Variants in TMEM132D observed in about 807,000 individuals in gnomAD.
TMEM132D encodes mature OL transmembrane protein.
In TMEM132D, 21 loss-of-function variants were observed where a neutral mutation model predicts 62.3. The ratio of observed to expected loss-of-function variants is 0.34; its 90% CI spans 0.24 to 0.49. TMEM132D has a LOEUF of 0.49. Among genes scored for constraint, TMEM132D ranks in the 20% least tolerant of loss-of-function variants. The probability of loss-of-function intolerance (pLI) is 0.99; values close to 1 mark genes in which losing one functional copy is unlikely to be tolerated. For missense variants in TMEM132D, 1,346 were observed against 1,402.8 expected (o/e 0.96, Z 0.65); for synonymous variants, 621 against 575.6 (o/e 1.08, Z -1.13).
chr12:129,121,691 A>G (rs1214292735), intron 5 of TMEM132D, among the ~76,000 whole-genome samples: 2 of 152,150 alleles, frequency 1.3e-5, no homozygotes, highest in Non-Finnish European at 2.9e-5. Flanking sequence ...GGAAACCAAT[A>G]CAGTACTACA....
At chr12:129,842,097 A>ATTTTTTTTTTTTTTTT (rs746315309) in intron 1 of TMEM132D, among the ~76,000 whole-genome samples, 7 of 97,448 alleles carry the variant, frequency 7.2e-5, no homozygotes, top group South Asian at 3.9e-4. Context: ...CGCCCGGCTA[A>ATTTTTTTTTTTTTTTT]TTTTTTTTTT....
chr12:129,312,679 C>T (rs1882005217), intron 4 of TMEM132D, among the ~76,000 whole-genome samples: 1 of 152,140 alleles, frequency 6.6e-6, no homozygotes, highest in Admixed American at 6.5e-5. Context: ...ACTCCATTCT[C>T]CCTGCATCAG....
intron 1 of TMEM132D, among the ~76,000 whole-genome samples, chr12:129,852,053 T>A (rs1009010599): frequency 6.6e-6 from 1 of 152,166 alleles, no homozygotes; most frequent in Non-Finnish European, 1.5e-5. Flanking sequence ...TATGTGGAAG[T>A]CATCAACTGA....
intron 5 of TMEM132D, among the ~76,000 whole-genome samples, chr12:129,200,103 C>T (rs1325812559): frequency 6.6e-6 from 1 of 152,070 alleles, no homozygotes; most frequent in African/African-American, 2.4e-5. Context: ...CCTAACTCTC[C>T]CTGCCATGAA....
chr12:129,465,290 C>T (rs181519253), intron 3 of TMEM132D, among the ~76,000 whole-genome samples: 106 of 152,200 alleles, frequency 7.0e-4, no homozygotes, highest in Non-Finnish European at 1.2e-3. Context: ...ATTGATGGGA[C>T]GTATCTCAAA....
intron 2 of TMEM132D, among the ~76,000 whole-genome samples, chr12:129,615,898 G>A (rs1487709665): frequency 6.6e-6 from 1 of 152,204 alleles, no homozygotes; most frequent in South Asian, 2.1e-4. Context: ...GCCAGAACTG[G>A]CTTGAGTTGA....
At chr12:129,697,669 T>G (rs1050170833) in intron 2 of TMEM132D, among the ~76,000 whole-genome samples, 1 of 152,212 alleles carries the variant, frequency 6.6e-6, no homozygotes, top group Non-Finnish European at 1.5e-5. Context: ...TTTCCAAACT[T>G]TGACCTGTGA....
intron 1 of TMEM132D, among the ~76,000 whole-genome samples, chr12:129,835,570 C>A (rs981115860): frequency 6.6e-6 from 1 of 152,038 alleles, no homozygotes; most frequent in East Asian, 1.9e-4. Context: ...GGATTACAGG[C>A]GTGAGCTACC....
At chr12:129,376,815 G>A (rs1870793846) in intron 3 of TMEM132D, among the ~76,000 whole-genome samples, 1 of 152,200 alleles carries the variant, frequency 6.6e-6, no homozygotes, top group South Asian at 2.1e-4. Context: ...GTTATTTCTT[G>A]TAAACGTGTG....
chr12:129,393,742 A>T (rs1456559230), intron 3 of TMEM132D, among the ~76,000 whole-genome samples: 4 of 152,176 alleles, frequency 2.6e-5, no homozygotes, highest in Non-Finnish European at 5.9e-5. Context: ...TGAGCAAGCA[A>T]CCCACGCCAA....
At chr12:129,679,141 T>TTG (rs1880717290) in intron 2 of TMEM132D, among the ~76,000 whole-genome samples, 2 of 151,748 alleles carry the variant, frequency 1.3e-5, no homozygotes, top group African/African-American at 4.8e-5. Flanking sequence ...AGTTTTTTTT[T>TTG]TTGTTGTTGT....
intron 1 of TMEM132D, among the ~76,000 whole-genome samples, chr12:129,746,879 T>C (rs1454062101): frequency 2.0e-5 from 3 of 152,076 alleles, no homozygotes; most frequent in African/African-American, 7.2e-5. Context: ...TCATTCTCTC[T>C]TCTCTTTGTC....
At position 129,700,503 on chromosome 12, in the gene TMEM132D, A is replaced by G. The variant is rs151244831; in HGVS notation, c.275T>C (p.Val92Ala). The change falls in exon 2 of 9, where the codon GTC becomes GCC. Residue 92 changes from valine to alanine, a missense_variant. Val to Ala is a moderately conservative substitution (Grantham distance 64, BLOSUM62 0). Transcript: ENST00000422113. ...FLIYKSRRLP[V>A]LNASYGPFSI... ...GAAAGGCCCGTAGCTGGCATTGAGG[A>G]CAGGCAGCCTCCTGGATTTGTAAAT... 17,153 of 1,614,162 alleles carry G rather than the reference A, an allele frequency of 0.011. 131 individuals are homozygous for G. The highest frequency in any genetic ancestry group is 0.012 in the Non-Finnish European group (13,832 of 1,180,018).
chr12:129,723,190 A>ACAGTTT (rs1162699787), intron 1 of TMEM132D, among the ~76,000 whole-genome samples: 2 of 152,204 alleles, frequency 1.3e-5, no homozygotes, highest in Non-Finnish European at 2.9e-5. Flanking sequence ...GGAGAACGTT[A>ACAGTTT]CAGTTTCGTG....
chr12:129,096,389 C>T (rs113551515), intron 5 of TMEM132D, among the ~76,000 whole-genome samples: 2,332 of 152,112 alleles, frequency 0.015, 60 homozygotes, highest in African/African-American at 0.053. Flanking sequence ...AGGGAAGGAC[C>T]CAGGATGGCA....
At chr12:129,240,547 G>A (rs1879909731) in intron 4 of TMEM132D, among the ~76,000 whole-genome samples, 1 of 152,182 alleles carries the variant, frequency 6.6e-6, no homozygotes, top group African/African-American at 2.4e-5. Flanking sequence ...TATAAAGGAA[G>A]AATGAAGAAG....
chr12:129,361,430 T>G (rs1192677167), intron 3 of TMEM132D, among the ~76,000 whole-genome samples: 1 of 152,156 alleles, frequency 6.6e-6, no homozygotes, highest in East Asian at 1.9e-4. Context: ...CACAAAACTT[T>G]TAAAGCATAG....
At chr12:129,723,769 C>T (rs997600514) in intron 1 of TMEM132D, among the ~76,000 whole-genome samples, 4 of 152,210 alleles carry the variant, frequency 2.6e-5, no homozygotes, top group Non-Finnish European at 5.9e-5. Flanking sequence ...TTTATTGAAG[C>T]TGTGGTCAGT....
chr12:129,653,300 A>G (rs1215000781), intron 2 of TMEM132D, among the ~76,000 whole-genome samples: 1 of 152,176 alleles, frequency 6.6e-6, no homozygotes, highest in African/African-American at 2.4e-5. Flanking sequence ...TCATCATCAC[A>G]CAGCCAGGGC....
Sources: gnomAD v4.1 joint callset for allele counts (sites outside exome capture counted in the v4.1 genomes callset) on GRCh38, gnomAD v4.1.1 for gene constraint, MANE v1.5 for transcripts, NCBI Gene and HGNC (gene_info 2026-07-23, HGNC 2026-07-21) for gene names.